MEIS2: variants seen among roughly 807,000 people sequenced by gnomAD.
The protein encoded by MEIS2 is homeobox protein Meis2.
Under a neutral mutation model 58.6 loss-of-function variants are expected in MEIS2, and 9 were observed. That is an observed-to-expected ratio of 0.15 (90% CI 0.09 to 0.27). The LOEUF (loss-of-function observed/expected upper bound fraction) is 0.27. MEIS2 is among the 10% of genes least tolerant of loss of function. MEIS2 has a pLI of 1.00. For missense variants in MEIS2, 427 were observed against 635.0 expected (o/e 0.67, Z 3.52); for synonymous variants, 221 against 228.4 (o/e 0.97, Z 0.29).
At chr15:37,082,546 C>G (rs1379825042) in intron 7 of MEIS2, among the ~76,000 whole-genome samples, 1 of 151,982 alleles carries the variant, frequency 6.6e-6, no homozygotes, top group East Asian at 1.9e-4. Flanking sequence ...TTGAAAATGC[C>G]TTATAATTTA....
intron 9 of MEIS2, among the ~76,000 whole-genome samples, chr15:36,915,568 C>T (rs2057240603): frequency 6.6e-6 from 1 of 152,144 alleles, no homozygotes; most frequent in Non-Finnish European, 1.5e-5. Flanking sequence ...CTTGCCCTGC[C>T]CACCTATATG....
chr15:37,045,423 G>A (rs1162187576), intron 7 of MEIS2, among the ~76,000 whole-genome samples: 1 of 151,762 alleles, frequency 6.6e-6, no homozygotes, highest in East Asian at 1.9e-4. Flanking sequence ...TACCTTCCAG[G>A]AGTTTAATTT....
At chr15:37,099,401 GC>G (rs1231200452) in intron 1 of MEIS2, 53 bp downstream of exon 1, 2 of 1,613,372 alleles carry the variant, frequency 1.2e-6, no homozygotes, top group Admixed American at 1.7e-5. Flanking sequence ...ATCGGGACAG[GC>G]CCCTCTTAGG....
chr15:37,059,963 C>T (rs113900031), intron 7 of MEIS2, among the ~76,000 whole-genome samples: 30 of 152,154 alleles, frequency 2.0e-4, no homozygotes, highest in Non-Finnish European at 2.6e-4. Context: ...CAGGGTCTCA[C>T]GCTGTCACGC....
In MEIS2 at chr15:37,079,541, T is replaced by TG. The variant is rs560548145; in HGVS notation, c.754+4229dup. Among the ~76,000 whole-genome samples the TG allele has an allele frequency of 3.3e-3, 28 of 8,610 alleles. 1 individual carries two copies. In the South Asian group the frequency reaches 0.21, roughly 64 times the overall value. 5.6% of individuals were successfully genotyped at this position (8,610 alleles called of 152,430 possible). A position where few individuals can be genotyped will look rare whatever the true frequency, so the allele number is the denominator to read the frequency against. On this transcript the variant is annotated intron_variant, in intron 7 of 11. Coordinates refer to ENST00000561208, the MANE Select transcript of MEIS2 (RefSeq NM_170675.5). The stretch of plus-strand genomic sequence containing the variant: ...TAAATATATAACTGGAATACTTTGG[T>TG]GGGAAAAAAATACTATTTTATAACT...
At chr15:37,093,030 T>C (rs577469498) in intron 6 of MEIS2, among the ~76,000 whole-genome samples, 17 of 152,304 alleles carry the variant, frequency 1.1e-4, no homozygotes, top group African/African-American at 4.1e-4. Flanking sequence ...ATTCTGACAA[T>C]AAGTTTCTAT....
intron 8 of MEIS2, among the ~76,000 whole-genome samples, chr15:36,959,460 T>G (rs2059105961): frequency 6.6e-6 from 1 of 152,152 alleles, no homozygotes. Context: ...GCCTGGCATT[T>G]AAGAGGTAAC....
chr15:37,027,888 C>A (rs1486053109), intron 8 of MEIS2, among the ~76,000 whole-genome samples: 2 of 152,070 alleles, frequency 1.3e-5, no homozygotes, highest in Non-Finnish European at 2.9e-5. Flanking sequence ...ATTATCAACA[C>A]CCCCTACCGG....
intron 11 of MEIS2, chr15:36,894,922 G>T (rs1595666046): frequency 9.6e-7 from 1 of 1,046,362 alleles, no homozygotes; most frequent in Non-Finnish European, 1.5e-6. Flanking sequence ...GGTTTAAAAA[G>T]AAAAAAGAAA....
chr15:37,068,707 A>G (rs1436285767), intron 7 of MEIS2, among the ~76,000 whole-genome samples: 2 of 152,234 alleles, frequency 1.3e-5, no homozygotes, highest in Non-Finnish European at 2.9e-5. Flanking sequence ...TTACTAGACA[A>G]CATGACTAGA....
chr15:37,085,957 G>A (rs985250739), intron 6 of MEIS2, among the ~76,000 whole-genome samples: 4 of 152,100 alleles, frequency 2.6e-5, no homozygotes, highest in Non-Finnish European at 5.9e-5. Context: ...AAAAAAGAAA[G>A]AAAAGAAAAA....
intron 9 of MEIS2, among the ~76,000 whole-genome samples, chr15:36,940,202 T>C (rs1423944187): frequency 6.6e-6 from 1 of 152,170 alleles, no homozygotes; most frequent in African/African-American, 2.4e-5. Flanking sequence ...CTGAGCCTAA[T>C]GTAACCTAGC....
chr15:36,890,020 C>G lies in MEIS2; in HGVS notation c.*2153G>C, dbSNP rs531870339. On this transcript the variant is annotated 3_prime_UTR_variant, in exon 12 of 12. Coordinates refer to ENST00000561208, the MANE Select transcript of MEIS2 (RefSeq NM_170675.5). ...ACACAAAACAATAGAAGTGTATTTCCTCGTTCATTTATATAGAACCTCCAT... is the reference window on the plus strand; with the variant it reads ...ACACAAAACAATAGAAGTGTATTTCGTCGTTCATTTATATAGAACCTCCAT... 7.2e-5 allele frequency: 11 copies of G among 152,250 alleles called. No homozygotes were observed. In the East Asian group the frequency reaches 1.9e-3, roughly 27 times the overall value. 9.4% of individuals were successfully genotyped at this position (152,250 alleles called of 1,614,324 possible).
chr15:37,067,561 T>G (rs566192252), intron 7 of MEIS2, among the ~76,000 whole-genome samples: 1 of 150,724 alleles, frequency 6.6e-6, no homozygotes, highest in East Asian at 2.0e-4. Context: ...GCTCACTTTC[T>G]TCTGGTCTTT....
intron 8 of MEIS2, among the ~76,000 whole-genome samples, chr15:36,975,964 T>A (rs2059734720): frequency 6.6e-6 from 1 of 152,370 alleles, no homozygotes; most frequent in African/African-American, 2.4e-5. Context: ...AAACATGATG[T>A]ACACTGTAAA....
chr15:37,097,921 C>G, intron 2 of MEIS2, 46 bp downstream of exon 2: 8 of 1,544,698 alleles, frequency 5.2e-6, no homozygotes, highest in Non-Finnish European at 7.0e-6. Context: ...CAAACACACA[C>G]TCTCACACTC....
chr15:37,066,608 A>G (rs1889965054), intron 7 of MEIS2: 1 of 152,234 alleles, frequency 6.6e-6, no homozygotes, highest in South Asian at 2.1e-4. Context: ...AACACTAAAT[A>G]TACAGTATTC....
chr15:36,938,384 T>C lies in MEIS2; in HGVS notation c.977+11940A>G, dbSNP rs371127654. On this transcript the variant is annotated intron_variant, in intron 9 of 11. Coordinates refer to ENST00000561208, the MANE Select transcript of MEIS2 (RefSeq NM_170675.5). ...CAAAATCATCTTCCCAGAGAAACCA[T>C]CAGGCCCCACTCAGATCTGCTGTCA... is the stretch of plus-strand genomic sequence containing the variant. Among the ~76,000 whole-genome samples, 41 of 152,224 alleles carry C rather than the reference T, an allele frequency of 2.7e-4. No homozygotes were observed. In the South Asian group the frequency reaches 7.9e-3, roughly 29 times the overall value.
chr15:36,915,362 G>GGAA (rs991805084), intron 9 of MEIS2, among the ~76,000 whole-genome samples: 1 of 152,102 alleles, frequency 6.6e-6, no homozygotes, highest in African/African-American at 2.4e-5. Flanking sequence ...GTGCTAGGAG[G>GGAA]GAAGCTCTCT....
Sources: allele counts gnomAD v4.1 joint callset (sites outside exome capture counted in the v4.1 genomes callset), GRCh38; gene constraint gnomAD v4.1.1; transcripts MANE v1.5; gene names NCBI Gene and HGNC (gene_info 2026-07-23, HGNC 2026-07-21).